The following KSR2 variants were observed in gnomAD, a reference collection of about 807,000 sequenced individuals.
KSR2 encodes kinase suppressor of ras 2.
In KSR2, 25 loss-of-function variants were observed where a neutral mutation model predicts 107.8. The ratio of observed to expected loss-of-function variants is 0.23; its 90% CI spans 0.17 to 0.32. The LOEUF is 0.32. KSR2 is among the 10% of genes least tolerant of loss of function. KSR2 has a pLI of 1.00. For missense variants in KSR2, 887 were observed against 1,268.9 expected, an observed-to-expected ratio of 0.70 and a Z score of 4.57; for synonymous variants, 480 against 507.0, an observed-to-expected ratio of 0.95 and a Z score of 0.71.
intron 1 of KSR2, among the ~76,000 whole-genome samples, chr12:117,866,751 C>T (rs796399172): frequency 4.6e-5 from 7 of 152,182 alleles, no homozygotes; most frequent in African/African-American, 1.4e-4. Flanking sequence ...ATCGCTTGAA[C>T]CCGGGAGGCG....
intron 4 of KSR2, among the ~76,000 whole-genome samples, chr12:117,672,060 G>A (rs78271344): frequency 0.013 from 2,014 of 152,278 alleles, 48 homozygotes; most frequent in African/African-American, 0.046. Flanking sequence ...AGGGGCCCAC[G>A]GCGAGGACCA....
chr12:117,561,082 A>G (rs992616260), intron 7 of KSR2, among the ~76,000 whole-genome samples: 7 of 152,242 alleles, frequency 4.6e-5, no homozygotes, highest in Non-Finnish European at 8.8e-5. Context: ...TATGATAATG[A>G]GATACATTTT....
intron 3 of KSR2, among the ~76,000 whole-genome samples, chr12:117,825,437 T>C (rs1299245754): frequency 6.6e-6 from 1 of 152,196 alleles, no homozygotes; most frequent in Admixed American, 6.5e-5. Context: ...TGGAGAACTC[T>C]GGTTAGTTTT....
intron 9 of KSR2, among the ~76,000 whole-genome samples, chr12:117,540,414 T>G (rs1403441747): frequency 6.6e-6 from 1 of 152,154 alleles, no homozygotes; most frequent in South Asian, 2.1e-4. Context: ...ATTTTCGGAA[T>G]GGCCTGCTGG....
chr12:117,713,245 A>G (rs1441170053), intron 4 of KSR2, among the ~76,000 whole-genome samples: 2 of 151,898 alleles, frequency 1.3e-5, no homozygotes, highest in Admixed American at 6.6e-5. Context: ...ATCTAAGTAG[A>G]CAGATGATTG....
At chr12:117,647,803 A>G (rs1470753116) in intron 5 of KSR2, among the ~76,000 whole-genome samples, 2 of 152,070 alleles carry the variant, frequency 1.3e-5, no homozygotes, top group African/African-American at 4.8e-5. Flanking sequence ...GCTCACTGCA[A>G]CTTCAATCCT....
At chr12:117,533,814 G>A (rs1391730122) in intron 10 of KSR2, among the ~76,000 whole-genome samples, 1 of 152,178 alleles carries the variant, frequency 6.6e-6, no homozygotes, top group Non-Finnish European at 1.5e-5. Flanking sequence ...GAAGGGACAG[G>A]TGTCAGGCAA....
intron 1 of KSR2, among the ~76,000 whole-genome samples, chr12:117,937,220 A>G (rs1252737180): frequency 6.6e-6 from 1 of 152,186 alleles, no homozygotes; most frequent in Non-Finnish European, 1.5e-5. Context: ...AGCTTCTCAG[A>G]CCTGTAGCAT....
At chr12:117,837,384 GTC>G (rs2137142182) in intron 3 of KSR2, among the ~76,000 whole-genome samples, 1 of 152,248 alleles carries the variant, frequency 6.6e-6, no homozygotes, top group South Asian at 2.1e-4. Context: ...CAATTTTGAC[GTC>G]TCCGCTAAAG....
chr12:117,533,898 C>G (rs532535131), intron 10 of KSR2, among the ~76,000 whole-genome samples: 1 of 152,304 alleles, frequency 6.6e-6, no homozygotes, highest in Non-Finnish European at 1.5e-5. Context: ...CATGGAACAA[C>G]TCGTTCCTGG....
intron 4 of KSR2, among the ~76,000 whole-genome samples, chr12:117,756,447 A>G (rs1351585787): frequency 1.3e-5 from 2 of 152,236 alleles, no homozygotes; most frequent in African/African-American, 4.8e-5. Context: ...CAAAGCCTGG[A>G]TGATAGCACT....
intron 5 of KSR2, among the ~76,000 whole-genome samples, chr12:117,586,840 C>A (rs1247669173): frequency 6.6e-6 from 1 of 152,088 alleles, no homozygotes; most frequent in Non-Finnish European, 1.5e-5. Flanking sequence ...ATCCCGACTG[C>A]CCAAGGTAAA....
At chr12:117,471,848 A>G (rs549188745) in intron 17 of KSR2, among the ~76,000 whole-genome samples, 31 of 152,182 alleles carry the variant, frequency 2.0e-4, no homozygotes, top group Non-Finnish European at 4.1e-4. Flanking sequence ...ATGAGACTGT[A>G]TGTAGGATTT....
intron 4 of KSR2, among the ~76,000 whole-genome samples, chr12:117,727,562 G>A (rs1282766297): frequency 2.0e-5 from 3 of 152,104 alleles, no homozygotes; most frequent in Non-Finnish European, 2.9e-5. Flanking sequence ...CACACTGAGG[G>A]AAGATGCCAT....
chr12:117,540,094 C>T (rs904461553), intron 9 of KSR2, among the ~76,000 whole-genome samples: 1 of 152,030 alleles, frequency 6.6e-6, no homozygotes, highest in African/African-American at 2.4e-5. Context: ...CCTCTGGAGT[C>T]GAATTCCTGT....
chr12:117,813,766 C>T (rs778175433), intron 3 of KSR2, among the ~76,000 whole-genome samples: 12 of 152,150 alleles, frequency 7.9e-5, no homozygotes, highest in Non-Finnish European at 1.6e-4. Flanking sequence ...AGCAATCCCA[C>T]TACTGAGCAT....
At chr12:117,513,437 C>T (rs1045625217) in intron 14 of KSR2, among the ~76,000 whole-genome samples, 10 of 152,204 alleles carry the variant, frequency 6.6e-5, no homozygotes, top group African/African-American at 2.2e-4. Context: ...GTCTGGGGCC[C>T]AGCAAGTTTC....
chr12:117,760,704 T>C (rs867044796), intron 4 of KSR2, among the ~76,000 whole-genome samples: 1 of 152,218 alleles, frequency 6.6e-6, no homozygotes, highest in Non-Finnish European at 1.5e-5. Context: ...AAAGCAGCCA[T>C]AGGCAACACA....
At chr12:117,531,158 AC>A in intron 11 of KSR2, 145 bp from the exon 12 acceptor site, 1 of 687,304 alleles carries the variant, frequency 1.5e-6, no homozygotes. Context: ...CCTTTCCTGG[AC>A]CACCTGGACT....
Sources: allele counts gnomAD v4.1 joint callset (sites outside exome capture counted in the v4.1 genomes callset), GRCh38; gene constraint gnomAD v4.1.1; transcripts MANE v1.5; gene names NCBI Gene and HGNC (gene_info 2026-07-23, HGNC 2026-07-21).